ZNG1B: variants seen among roughly 807,000 people sequenced by gnomAD.
ZNG1B encodes zinc-regulated GTPase metalloprotein activator 1B.
chr2:113,441,749 TA>T, the ZNG1B span: 262 of 196,652 alleles, frequency 1.3e-3, 5 homozygotes, highest in East Asian at 0.034. Flanking sequence ...TATTTTATTT[TA>T]TTTTTTTTGA....
the ZNG1B span, chr2:113,470,319 T>G: frequency 1.3e-5 from 2 of 152,274 alleles, no homozygotes; most frequent in Non-Finnish European, 2.9e-5. Flanking sequence ...TCTGGGCTTA[T>G]GTTAAAATTA....
chr2:113,450,495 C>T, the ZNG1B span, among the ~76,000 whole-genome samples: 2 of 149,480 alleles, frequency 1.3e-5, no homozygotes, highest in East Asian at 4.0e-4. Context: ...AACGCATTTT[C>T]ATCTTATTCT....
the ZNG1B span, chr2:113,453,153 A>G: frequency 2.0e-5 from 32 of 1,590,986 alleles, no homozygotes; most frequent in East Asian, 2.2e-5. Context: ...AGTGGCTTCT[A>G]TGTTTTGGGT....
the ZNG1B span, among the ~76,000 whole-genome samples, chr2:113,490,414 CA>C: frequency 6.6e-6 from 1 of 151,862 alleles, no homozygotes; most frequent in African/African-American, 2.4e-5. Flanking sequence ...GGAAAGAGCA[CA>C]ATCTACGGTC....
chr2:113,438,205 C>T, the ZNG1B span, among the ~76,000 whole-genome samples: 57 of 152,220 alleles, frequency 3.7e-4, no homozygotes, highest in African/African-American at 1.3e-3. Context: ...TAATGATGCC[C>T]GGCCCCCTCT....
chr2:113,437,978 G>A, the ZNG1B span: 33 of 1,611,964 alleles, frequency 2.0e-5, no homozygotes, highest in Non-Finnish European at 2.7e-5. Context: ...GAAAAGTCTG[G>A]CCTCGGCGCC....
chr2:113,486,028 C>G, the ZNG1B span, among the ~76,000 whole-genome samples: 12 of 138,780 alleles, frequency 8.6e-5, no homozygotes, highest in African/African-American at 3.4e-4. Flanking sequence ...AAAAAAAAGT[C>G]TGAAATGGGT....
chr2:113,475,509 C>A, the ZNG1B span, among the ~76,000 whole-genome samples: 1 of 142,162 alleles, frequency 7.0e-6, no homozygotes, highest in Non-Finnish European at 1.5e-5. Context: ...AATATCGTTA[C>A]GTGTGAATTT....
At chr2:113,466,988 C>A in the ZNG1B span, among the ~76,000 whole-genome samples, 30 of 145,844 alleles carry the variant, frequency 2.1e-4, no homozygotes, top group African/African-American at 7.5e-4. Flanking sequence ...GGCGTGAACC[C>A]GGGAGGCGGA....
the ZNG1B span, among the ~76,000 whole-genome samples, chr2:113,453,449 C>T: frequency 1.3e-4 from 20 of 150,842 alleles, no homozygotes; most frequent in East Asian, 1.4e-3. Context: ...GACGGGGTTT[C>T]GCCATGTTGG....
At chr2:113,442,324 A>G in the ZNG1B span, among the ~76,000 whole-genome samples, 2 of 152,176 alleles carry the variant, frequency 1.3e-5, no homozygotes, top group African/African-American at 2.4e-5. Context: ...ATCTTTATAG[A>G]AGTTTTTCTT....
chr2:113,472,242 G>A, the ZNG1B span, among the ~76,000 whole-genome samples: 86 of 152,086 alleles, frequency 5.7e-4, no homozygotes, highest in African/African-American at 2.0e-3. Context: ...CAGTGATGGT[G>A]AGCATTTTTT....
At chr2:113,440,164 G>A in the ZNG1B span, among the ~76,000 whole-genome samples, 1 of 152,016 alleles carries the variant, frequency 6.6e-6, no homozygotes, top group East Asian at 1.9e-4. Flanking sequence ...GATTACAGGC[G>A]TGAGCCACCG....
At chr2:113,457,098 C>T in the ZNG1B span, 1 of 454,722 alleles carries the variant, frequency 2.2e-6, no homozygotes, top group Non-Finnish European at 4.4e-6. Flanking sequence ...TGACAGCTCT[C>T]TATTCTGAGG....
chr2:113,457,239 A>T, the ZNG1B span: 1 of 422,458 alleles, frequency 2.4e-6, no homozygotes, highest in South Asian at 1.7e-5. Context: ...TTCCTCTGTT[A>T]TATTGCACAA....
chr2:113,479,022 G>A, the ZNG1B span, among the ~76,000 whole-genome samples: 3 of 151,888 alleles, frequency 2.0e-5, no homozygotes, highest in South Asian at 2.1e-4. Flanking sequence ...AACAAATTAC[G>A]GTTAAAATTA....
chr2:113,474,748 C>T, the ZNG1B span, among the ~76,000 whole-genome samples: 111 of 151,866 alleles, frequency 7.3e-4, no homozygotes, highest in Middle Eastern at 0.01. Flanking sequence ...TGTTATGTAC[C>T]CAGTAGTCAT....
the ZNG1B span, chr2:113,469,949 C>T: frequency 6.6e-6 from 1 of 150,878 alleles, no homozygotes; most frequent in African/African-American, 2.4e-5. Context: ...AATATTTCTT[C>T]ACCTCAGCTT....
chr2:113,471,253 G>C, the ZNG1B span, among the ~76,000 whole-genome samples: 2 of 152,054 alleles, frequency 1.3e-5, no homozygotes, highest in Non-Finnish European at 2.9e-5. Context: ...TTTACTAACT[G>C]GTTGTTTGGA....
Sources: gnomAD v4.1 joint callset for allele counts (sites outside exome capture counted in the v4.1 genomes callset) on GRCh38, gnomAD v4.1.1 for gene constraint, MANE v1.5 for transcripts, NCBI Gene and HGNC (gene_info 2026-07-23, HGNC 2026-07-21) for gene names.